NCAPH: variants seen among roughly 807,000 people sequenced by gnomAD.
NCAPH encodes condensin complex subunit 2.
NCAPH carries 38 observed loss-of-function variants against 85.5 expected under a neutral mutation model. The observed-to-expected ratio is 0.44, with a 90% CI of 0.34 to 0.58. NCAPH has a LOEUF of 0.58. Ranked by LOEUF, NCAPH falls within the 20% of genes least tolerant of loss-of-function variation. The pLI is 0.01. For synonymous variants in NCAPH, 301 were observed against 335.1 expected (o/e 0.90, Z 1.11); for missense variants, 789 against 916.6 (o/e 0.86, Z 1.80).
At chr2:96,361,068 AC>A (rs1293276766) in intron 12 of NCAPH, among the ~76,000 whole-genome samples, 2 of 34,888 alleles carry the variant, frequency 5.7e-5, no homozygotes, top group African/African-American at 1.1e-4. Flanking sequence ...TTTTTTTTTG[AC>A]AGAGTTTCGC....
chr2:96,336,769 A>G (rs764740901), intron 1 of NCAPH, among the ~76,000 whole-genome samples: 21 of 152,256 alleles, frequency 1.4e-4, no homozygotes, highest in Non-Finnish European at 4.4e-5. Context: ...CCATTATCAT[A>G]TAGACCATTA....
chr2:96,360,340 C>A, intron 11 of NCAPH, 91 bp downstream of exon 11: 1 of 860,830 alleles, frequency 1.2e-6, no homozygotes, highest in Non-Finnish European at 1.8e-6. Flanking sequence ...ACTGTTAGAG[C>A]AAACAGATGG....
intron 12 of NCAPH, among the ~76,000 whole-genome samples, chr2:96,361,781 T>A (rs1459360377): frequency 7.4e-6 from 1 of 135,292 alleles, no homozygotes; most frequent in Admixed American, 7.8e-5. Context: ...TATATATATA[T>A]ACACATATAT....
At position 96,360,661 on chromosome 2, in the gene NCAPH, A is replaced by G. The variant is rs145090277; in HGVS notation, c.1538A>G (p.Asn513Ser). The change falls in exon 12 of 18, where the codon AAC becomes AGC. Residue 513 changes from asparagine to serine, a missense_variant. Coordinates refer to ENST00000240423, the MANE Select transcript of NCAPH (RefSeq NM_015341.5). The part of the protein sequence containing the change: ...WRATTLPTDF[N>S]YNVDTLVQLH... The stretch of plus-strand genomic sequence containing the variant: ...GCTACCACCCTTCCTACAGATTTCA[A>G]CTACAATGTTGACACTCTGGTCCAG... 164 of 1,614,186 alleles carry G rather than the reference A, an allele frequency of 1.0e-4. No homozygotes were observed. The highest frequency in any genetic ancestry group is 7.6e-4 in the African/African-American group (57 of 75,034).
chr2:96,369,788 T>C (rs1447316314), intron 17 of NCAPH, among the ~76,000 whole-genome samples: 1 of 152,208 alleles, frequency 6.6e-6, no homozygotes, highest in Non-Finnish European at 1.5e-5. Context: ...GTGCTTTTAC[T>C]TCACGGGGTG....
intron 9 of NCAPH, among the ~76,000 whole-genome samples, chr2:96,355,417 T>A (rs1211321464): frequency 1.3e-5 from 2 of 152,112 alleles, no homozygotes; most frequent in Non-Finnish European, 2.9e-5. Flanking sequence ...TAGTATAATT[T>A]CCCGCTATGA....
At chr2:96,364,770 C>T (rs1046742935) in intron 13 of NCAPH, among the ~76,000 whole-genome samples, 179 bp downstream of exon 13, 12 of 152,194 alleles carry the variant, frequency 7.9e-5, no homozygotes, top group Non-Finnish European at 1.0e-4. Flanking sequence ...GTCAAGGAAA[C>T]AGCCTCACCT....
In NCAPH at chr2:96,360,666, A is replaced by G. The variant is rs2104474365; in HGVS notation, c.1543A>G (p.Asn515Asp). 1 of 1,614,176 alleles carries G rather than the reference A, an allele frequency of 6.2e-7. No homozygotes were observed. Among genetic ancestry groups the G allele is most frequent in the Non-Finnish European group, 8.5e-7 (1 of 1,180,014 alleles). Residue 515 changes from asparagine to aspartate, a missense_variant, in exon 12 of 18, where the codon AAT becomes GAT. Physicochemically the swap from Asn to Asp is conservative, Grantham distance 23 (BLOSUM62 1). Transcript: ENST00000240423. ...ATTLPTDFNY[N>D]VDTLVQLHLK... ...CACCCTTCCTACAGATTTCAACTAC[A>G]ATGTTGACACTCTGGTCCAGCTTCA...
intron 1 of NCAPH, among the ~76,000 whole-genome samples, chr2:96,338,811 T>C (rs1365446329): frequency 1.3e-5 from 2 of 152,024 alleles, no homozygotes; most frequent in Non-Finnish European, 2.9e-5. Context: ...GGTTTTTTTG[T>C]TTTTGTTTTT....
At chr2:96,353,839 G>A (rs1302022856) in intron 8 of NCAPH, among the ~76,000 whole-genome samples, 1 of 151,588 alleles carries the variant, frequency 6.6e-6, no homozygotes, top group African/African-American at 2.4e-5. Flanking sequence ...TTTTAGCATG[G>A]CCCCCTTTAG....
intron 6 of NCAPH, 62 bp from the exon 7 acceptor site, chr2:96,351,769 G>A (rs1160363928): frequency 1.4e-6 from 2 of 1,435,470 alleles, no homozygotes; most frequent in Non-Finnish European, 1.9e-6. Flanking sequence ...AAATGCATGA[G>A]AATTTATCTT....
intron 8 of NCAPH, 141 bp downstream of exon 8, chr2:96,353,538 A>G: frequency 1.4e-6 from 1 of 738,704 alleles, no homozygotes. Context: ...TGTAGGGACA[A>G]AAACCCTGAG....
At chr2:96,339,062 C>T (rs950550621) in intron 1 of NCAPH, among the ~76,000 whole-genome samples, 10 of 152,146 alleles carry the variant, frequency 6.6e-5, no homozygotes, top group East Asian at 1.9e-4. Flanking sequence ...CTGCTCGCCT[C>T]GGCCTCCCAA....
chr2:96,368,750 A>T (rs1366812316), intron 15 of NCAPH, among the ~76,000 whole-genome samples: 7 of 151,974 alleles, frequency 4.6e-5, no homozygotes, highest in Non-Finnish European at 5.9e-5. Flanking sequence ...TGTGTCCTTT[A>T]CCAGGGTGAT....
rs755603281 is a variant in NCAPH, at chr2:96,360,605, C to G, written c.1482C>G (p.Thr494=). The G allele has an allele frequency of 5.6e-6, 9 of 1,613,910 alleles. No individual in the cohort carries two copies. The highest frequency in any genetic ancestry group is 7.6e-6 in the Non-Finnish European group (9 of 1,179,978). Residue 494 remains threonine, a synonymous_variant, in exon 12 of 18, where the codon ACC becomes ACG. Coordinates refer to ENST00000240423, the MANE Select transcript of NCAPH (RefSeq NM_015341.5). ...FRKTKAATIL[T]KSTLENQNWR... Reference sequence around the variant, plus strand: ...ATTAATAGGCTGCTACTATTCTGACCAAGTCCACTTTGGAGAACCAGAATT... The same window carrying G: ...ATTAATAGGCTGCTACTATTCTGACGAAGTCCACTTTGGAGAACCAGAATT...
At chr2:96,339,463 G>A (rs1573060873) in intron 1 of NCAPH, among the ~76,000 whole-genome samples, 1 of 151,878 alleles carries the variant, frequency 6.6e-6, no homozygotes, top group East Asian at 1.9e-4. Context: ...GTGGTGGCGG[G>A]CGCCTGTAGT....
intron 6 of NCAPH, among the ~76,000 whole-genome samples, chr2:96,347,985 A>T (rs1456260643): frequency 6.6e-6 from 1 of 151,830 alleles, no homozygotes; most frequent in South Asian, 2.1e-4. Flanking sequence ...TTTTTTCCTT[A>T]TGTGTGTGTC....
At chr2:96,353,984 T>C (rs898756836) in intron 8 of NCAPH, among the ~76,000 whole-genome samples, 199 bp from the exon 9 acceptor site, 7 of 152,202 alleles carry the variant, frequency 4.6e-5, no homozygotes, top group African/African-American at 1.4e-4. Context: ...CCTCCTGTGC[T>C]GCACAATATA....
chr2:96,342,716 G>A, intron 3 of NCAPH, 40 bp from the exon 4 acceptor site: 2 of 1,478,862 alleles, frequency 1.4e-6, no homozygotes, highest in Admixed American at 1.7e-5. Flanking sequence ...ATGAGCCTAG[G>A]CTATAAATAA....
Sources: gnomAD v4.1 joint callset for allele counts (sites outside exome capture counted in the v4.1 genomes callset) on GRCh38, gnomAD v4.1.1 for gene constraint, MANE v1.5 for transcripts, NCBI Gene and HGNC (gene_info 2026-07-23, HGNC 2026-07-21) for gene names.